ULK4: variants seen among roughly 807,000 people sequenced by gnomAD.
The protein encoded by ULK4 is unc-51 like kinase 4.
ULK4 carries 133 observed loss-of-function variants against 160.6 expected under a neutral mutation model. The ratio of observed to expected loss-of-function variants is 0.83; its 90% CI spans 0.72 to 0.96. The LOEUF is 0.96. ULK4 is among the 40% of genes least tolerant of loss of function. ULK4 has a pLI of 0.00. For missense variants in ULK4, 1,580 were observed against 1,499.5 expected (o/e 1.05, Z -0.89); for synonymous variants, 534 against 539.8 (o/e 0.99, Z 0.15).
intron 35 of ULK4, among the ~76,000 whole-genome samples, chr3:41,370,081 T>C (rs1343674344): frequency 1.3e-5 from 2 of 152,134 alleles, no homozygotes; most frequent in Non-Finnish European, 2.9e-5. Context: ...GGGCCCGGTA[T>C]CTGTGATCTC....
At chr3:41,657,317 G>T (rs1391360318) in intron 30 of ULK4, among the ~76,000 whole-genome samples, 1 of 152,090 alleles carries the variant, frequency 6.6e-6, no homozygotes, top group African/African-American at 2.4e-5. Context: ...ACATAGGATG[G>T]TTTAATGTTC....
chr3:41,426,388 T>C (rs2082776041), intron 34 of ULK4, among the ~76,000 whole-genome samples: 1 of 152,134 alleles, frequency 6.6e-6, no homozygotes, highest in East Asian at 1.9e-4. Context: ...ACAAGGATAT[T>C]CAGGACTTGA....
intron 25 of ULK4, among the ~76,000 whole-genome samples, chr3:41,705,947 A>G (rs139449083): frequency 2.5e-3 from 387 of 152,288 alleles, no homozygotes; most frequent in African/African-American, 8.9e-3. Flanking sequence ...GAAAACAGTC[A>G]TCTCAAAGGA....
chr3:41,950,952 G>A (rs144988484), intron 2 of ULK4, among the ~76,000 whole-genome samples: 8,572 of 151,532 alleles, frequency 0.057, 445 homozygotes, highest in East Asian at 0.17. Flanking sequence ...AGACCATCCT[G>A]GCTAACACGG....
intron 30 of ULK4, among the ~76,000 whole-genome samples, chr3:41,643,507 T>C (rs1156615536): frequency 2.0e-5 from 3 of 152,202 alleles, no homozygotes; most frequent in Non-Finnish European, 2.9e-5. Flanking sequence ...GTTGAAGATA[T>C]GCGGCATTAT....
intron 32 of ULK4, among the ~76,000 whole-genome samples, chr3:41,506,767 A>AAAAAAAATATATATAT: frequency 1.8e-5 from 1 of 56,766 alleles, no homozygotes; most frequent in African/African-American, 8.2e-5. Context: ...TGTGATTTAA[A>AAAAAAAATATATATAT]ATATATATAT....
intron 31 of ULK4, among the ~76,000 whole-genome samples, chr3:41,566,590 T>C (rs1020723757): frequency 1.3e-5 from 2 of 152,256 alleles, no homozygotes; most frequent in Non-Finnish European, 2.9e-5. Flanking sequence ...TGCAATAAAC[T>C]ACATTTGGAC....
chr3:41,417,958 C>CATCTTTT (rs2082566840), intron 34 of ULK4, among the ~76,000 whole-genome samples: 1 of 152,096 alleles, frequency 6.6e-6, no homozygotes. Flanking sequence ...AGATGAAATT[C>CATCTTTT]CCATGCAAAA....
intron 35 of ULK4, among the ~76,000 whole-genome samples, chr3:41,324,945 C>T (rs1456631731): frequency 6.6e-6 from 1 of 152,084 alleles, no homozygotes; most frequent in Non-Finnish European, 1.5e-5. Flanking sequence ...AACATAGGCA[C>T]CACGAGAGTA....
intron 35 of ULK4, among the ~76,000 whole-genome samples, chr3:41,311,876 T>TTA (rs2080055684): frequency 8.9e-6 from 1 of 112,374 alleles, no homozygotes; most frequent in African/African-American, 3.9e-5. Context: ...CAAACTCTCC[T>TTA]CATATATATA....
intron 32 of ULK4, among the ~76,000 whole-genome samples, chr3:41,564,401 C>A (rs2087712488): frequency 2.0e-5 from 3 of 151,080 alleles, no homozygotes; most frequent in Admixed American, 2.0e-4. Context: ...CTGGGAGAAC[C>A]ACTGCTCTCT....
chr3:41,525,257 C>A (rs2086073527), intron 32 of ULK4, among the ~76,000 whole-genome samples: 2 of 152,176 alleles, frequency 1.3e-5, no homozygotes, highest in South Asian at 4.1e-4. Flanking sequence ...GAAAGGGAAG[C>A]AGGACAGCAA....
At chr3:41,540,759 G>A (rs985782219) in intron 32 of ULK4, among the ~76,000 whole-genome samples, 1 of 152,106 alleles carries the variant, frequency 6.6e-6, no homozygotes, top group African/African-American at 2.4e-5. Flanking sequence ...ATCTCATTGT[G>A]GTTTTGATTT....
chr3:41,506,769 T>TATATATAA (rs2085398109), intron 32 of ULK4, among the ~76,000 whole-genome samples: 7 of 31,614 alleles, frequency 2.2e-4, no homozygotes, highest in African/African-American at 5.6e-4. Flanking sequence ...TGATTTAAAA[T>TATATATAA]ATATATATAT....
intron 17 of ULK4, among the ~76,000 whole-genome samples, chr3:41,845,482 T>C (rs1261040338): frequency 2.0e-5 from 3 of 151,998 alleles, no homozygotes; most frequent in Non-Finnish European, 4.4e-5. Flanking sequence ...GACAAAAATA[T>C]ATAAATGGAA....
At chr3:41,445,879 C>A (rs1418336593) in intron 34 of ULK4, among the ~76,000 whole-genome samples, 3 of 152,050 alleles carry the variant, frequency 2.0e-5, no homozygotes, top group African/African-American at 7.2e-5. Flanking sequence ...CAAATGGGAT[C>A]TCATTAAACT....
chr3:41,390,507 G>A (rs1421674052), intron 35 of ULK4, among the ~76,000 whole-genome samples: 1 of 152,026 alleles, frequency 6.6e-6, no homozygotes, highest in Non-Finnish European at 1.5e-5. Context: ...GGCATTTAGT[G>A]CTATAAATTT....
chr3:41,327,898 C>T (rs6764084), intron 35 of ULK4, among the ~76,000 whole-genome samples: 2 of 152,140 alleles, frequency 1.3e-5, no homozygotes, highest in South Asian at 2.1e-4. Flanking sequence ...TATTTTCTTG[C>T]GGAACAGGCT....
chr3:41,371,592 T>C (rs1288832000), intron 35 of ULK4, among the ~76,000 whole-genome samples: 2 of 151,812 alleles, frequency 1.3e-5, no homozygotes, highest in Non-Finnish European at 2.9e-5. Context: ...CAGAAAGCAA[T>C]AGCATCAACA....
Sources: allele counts gnomAD v4.1 joint callset (sites outside exome capture counted in the v4.1 genomes callset), GRCh38; gene constraint gnomAD v4.1.1; transcripts MANE v1.5; gene names NCBI Gene and HGNC (gene_info 2026-07-23, HGNC 2026-07-21).